KLHDC4: variants seen among roughly 807,000 people sequenced by gnomAD.
KLHDC4 encodes kelch domain-containing protein 4.
KLHDC4 carries 90 observed loss-of-function variants against 62.4 expected under a neutral mutation model. That is an observed-to-expected ratio of 1.44 (90% CI 1.22 to 1.72). The LOEUF (loss-of-function observed/expected upper bound fraction) is 1.72, where lower values mean the gene tolerates loss of function less well. KLHDC4 is among the 40% of genes most tolerant of loss of function. KLHDC4 has a pLI of 0.00. For missense variants in KLHDC4, 1,025 were observed against 699.7 expected (o/e 1.47, Z -5.25); for synonymous variants, 386 against 284.4 (o/e 1.36, Z -3.59).
intron 5 of KLHDC4, among the ~76,000 whole-genome samples, chr16:87,744,881 A>ACACACGCT (rs1393096101): frequency 1.3e-5 from 2 of 152,212 alleles, no homozygotes; most frequent in Admixed American, 6.5e-5. Flanking sequence ...ACACGAGCAC[A>ACACACGCT]CACACGCTCA....
chr16:87,720,554 G>C (rs1457088255), intron 7 of KLHDC4, among the ~76,000 whole-genome samples: 1 of 145,606 alleles, frequency 6.9e-6, no homozygotes, highest in Non-Finnish European at 1.5e-5. Flanking sequence ...CGCGCCCCTG[G>C]GGAGACGCCG....
chr16:87,731,519 G>A (rs2040368521), intron 5 of KLHDC4, among the ~76,000 whole-genome samples: 1 of 151,988 alleles, frequency 6.6e-6, no homozygotes, highest in Admixed American at 6.6e-5. Flanking sequence ...ATCACGAGCG[G>A]TCAGGGAAAC....
chr16:87,701,625 C>G (rs1040081936), exon 1 of KLHDC4: 5 of 447,422 alleles, frequency 1.1e-5, no homozygotes, highest in South Asian at 7.9e-5. Context: ...AGGCAACAAC[C>G]TCACATGCCT....
intron 7 of KLHDC4, among the ~76,000 whole-genome samples, chr16:87,720,577 G>A (rs537807168): frequency 6.6e-6 from 1 of 152,360 alleles, no homozygotes; most frequent in East Asian, 1.9e-4. Flanking sequence ...CCACATCAGT[G>A]CACAGGAGGC....
chr16:87,707,125 A>C (rs2034830142), downstream of KLHDC4, among the ~76,000 whole-genome samples: 1 of 152,222 alleles, frequency 6.6e-6, no homozygotes, highest in Non-Finnish European at 1.5e-5. Context: ...TTCAATGCTC[A>C]ACTTTTGACC....
At chr16:87,718,322 T>TCCCTCTCCCTCC (rs1567685085) in intron 7 of KLHDC4, among the ~76,000 whole-genome samples, 1 of 7,148 alleles carries the variant, frequency 1.4e-4, no homozygotes, top group Admixed American at 1.5e-3. Context: ...TCCCTCCCCC[T>TCCCTCTCCCTCC]CCCTCTCCCT....
At chr16:87,734,749 G>C (rs2143007585) in intron 5 of KLHDC4, among the ~76,000 whole-genome samples, 1 of 152,174 alleles carries the variant, frequency 6.6e-6, no homozygotes, top group East Asian at 1.9e-4. Context: ...AGTTTCTTTG[G>C]AGTCCTGCAA....
At chr16:87,699,790 G>T (rs893163959) in exon 1 of KLHDC4, 1 of 152,290 alleles carries the variant, frequency 6.6e-6, no homozygotes, top group Non-Finnish European at 1.5e-5. Flanking sequence ...ATGGGCCAGC[G>T]GTCCCCGGGA....
intron 5 of KLHDC4, among the ~76,000 whole-genome samples, chr16:87,736,324 C>T (rs1036986703): frequency 2.0e-5 from 3 of 152,312 alleles, no homozygotes; most frequent in Middle Eastern, 3.4e-3. Context: ...AGCGGACCAC[C>T]AGTATGTATG....
chr16:87,735,346 T>A (rs1006412911), intron 5 of KLHDC4, among the ~76,000 whole-genome samples: 12 of 147,994 alleles, frequency 8.1e-5, no homozygotes, highest in East Asian at 4.0e-4. Context: ...TGTGTCTGCA[T>A]CCAAGTCCGC....
Position 87,707,997 on chromosome 16 carries a change from C to G in KLHDC4, c.*80G>C, listed in dbSNP as rs894436346. ...TGTGCGTCAGGACGCACGCTGGCCC[C>G]AAGAGCTTCACTCAACACGGCTGGG... On this transcript the variant is annotated 3_prime_UTR_variant, in exon 12 of 12. Transcript: ENST00000270583. 2 of 486,138 alleles carry G rather than the reference C, an allele frequency of 4.1e-6. No homozygotes were observed. Among genetic ancestry groups the G allele is most frequent in the Non-Finnish European group, 8.1e-6 (2 of 246,830 alleles). 30.1% of individuals were successfully genotyped at this position (486,138 alleles called of 1,614,324 possible). A position where few individuals can be genotyped will look rare whatever the true frequency, so the allele number is the denominator to read the frequency against.
chr16:87,759,874 C>G (rs2045595669), intron 2 of KLHDC4, among the ~76,000 whole-genome samples: 1 of 152,166 alleles, frequency 6.6e-6, no homozygotes. Flanking sequence ...AAACTGAGGT[C>G]CCCACCCAGC....
chr16:87,725,165 C>A (rs144817404), intron 7 of KLHDC4, among the ~76,000 whole-genome samples: 77 of 152,174 alleles, frequency 5.1e-4, no homozygotes, highest in African/African-American at 1.7e-3. Flanking sequence ...AGCGTCACCT[C>A]TGGGCGGAGG....
chr16:87,710,258 G>A (rs1360412269), intron 9 of KLHDC4: 1 of 154,720 alleles, frequency 6.5e-6, no homozygotes, highest in Non-Finnish European at 1.4e-5. Flanking sequence ...CTGCGTCGCA[G>A]GGGTCAGTCT....
chr16:87,729,935 G>C lies in KLHDC4; in HGVS notation c.599+617C>G, dbSNP rs912697845. Among the ~76,000 whole-genome samples the C allele has an allele frequency of 4.6e-5, 7 of 152,306 alleles. No homozygotes were observed. In the East Asian group the frequency reaches 5.8e-4, roughly 13 times the overall value. The stretch of plus-strand genomic sequence containing the variant: ...GGTATTCTGAACCAGGCTAAGGTTT[G>C]AGAATCCCATTTTATTTTTTTATTT... On this transcript the variant is annotated intron_variant, in intron 6 of 11. Coordinates refer to ENST00000270583, the MANE Select transcript of KLHDC4 (RefSeq NM_017566.4).
intron 7 of KLHDC4, among the ~76,000 whole-genome samples, chr16:87,723,009 G>A (rs542263065): frequency 7.2e-5 from 11 of 152,344 alleles, no homozygotes; most frequent in South Asian, 2.1e-4. Context: ...CCTGGGCCGC[G>A]CAGCAGCACA....
At chr16:87,727,709 G>T (rs966127809) in intron 6 of KLHDC4, among the ~76,000 whole-genome samples, 3 of 152,206 alleles carry the variant, frequency 2.0e-5, no homozygotes, top group Admixed American at 6.5e-5. Flanking sequence ...TCGTGAAAGC[G>T]TAAGGGGCTG....
intron 5 of KLHDC4, among the ~76,000 whole-genome samples, chr16:87,745,437 T>A (rs2042900886): frequency 6.6e-6 from 1 of 152,374 alleles, no homozygotes; most frequent in Non-Finnish European, 1.5e-5. Context: ...GAACGTGAGC[T>A]CCGCCTGATG....
chr16:87,753,238 G>A (rs912756366), intron 4 of KLHDC4, among the ~76,000 whole-genome samples: 1 of 152,236 alleles, frequency 6.6e-6, no homozygotes, highest in African/African-American at 2.4e-5. Context: ...CCCTGGGAGG[G>A]TGAGACCAAG....
Sources: gnomAD v4.1 joint callset for allele counts (sites outside exome capture counted in the v4.1 genomes callset) on GRCh38, gnomAD v4.1.1 for gene constraint, MANE v1.5 for transcripts, NCBI Gene and HGNC (gene_info 2026-07-23, HGNC 2026-07-21) for gene names.